SUGCT: variants seen among roughly 807,000 people sequenced by gnomAD.
SUGCT encodes the protein succinyl-CoA:glutarate-CoA transferase, also known as succinyl-CoA:glutarate CoA-transferase.
In SUGCT, 41 loss-of-function variants were observed where a neutral mutation model predicts 55.0. That is an observed-to-expected ratio of 0.74 (90% CI 0.58 to 0.97). The LOEUF is 0.97. SUGCT is among the 50% of genes least tolerant of loss of function. SUGCT has a pLI of 0.00. For synonymous variants in SUGCT, 187 were observed against 200.4 expected, an observed-to-expected ratio of 0.93 and a Z score of 0.56; for missense variants, 568 against 547.8, an observed-to-expected ratio of 1.04 and a Z score of -0.37.
At chr7:40,285,447 T>A (rs1218239364) in intron 8 of SUGCT, among the ~76,000 whole-genome samples, 1 of 150,852 alleles carries the variant, frequency 6.6e-6, no homozygotes, top group Non-Finnish European at 1.5e-5. Context: ...CAGGGAATTT[T>A]AAATTTTATT....
chr7:40,898,096 T>C, the SUGCT span, among the ~76,000 whole-genome samples: 32 of 152,086 alleles, frequency 2.1e-4, no homozygotes, highest in Non-Finnish European at 4.6e-4. Context: ...GCTGTAACAC[T>C]CACCCAGAAG....
intron 12 of SUGCT, among the ~76,000 whole-genome samples, chr7:40,674,356 A>G (rs1360123063): frequency 6.6e-6 from 1 of 152,246 alleles, no homozygotes; most frequent in East Asian, 1.9e-4. Flanking sequence ...TGGCAGAAGA[A>G]TAAGTCCTTT....
chr7:40,216,689 T>C (rs1263009893), intron 6 of SUGCT, among the ~76,000 whole-genome samples: 1 of 151,352 alleles, frequency 6.6e-6, no homozygotes, highest in Non-Finnish European at 1.5e-5. Flanking sequence ...CCACCTCTTA[T>C]AAAAATACAA....
intron 13 of SUGCT, 119 bp from the exon 14 acceptor site, chr7:40,860,197 G>A (rs895415329): frequency 6.5e-5 from 77 of 1,189,960 alleles, no homozygotes; most frequent in Non-Finnish European, 9.2e-5. Flanking sequence ...ATCTGGAAGG[G>A]TGTAACTGGC....
At chr7:40,576,623 G>A (rs1584030348) in intron 12 of SUGCT, among the ~76,000 whole-genome samples, 1 of 152,206 alleles carries the variant, frequency 6.6e-6, no homozygotes, top group Non-Finnish European at 1.5e-5. Flanking sequence ...TGGTAAACCC[G>A]ACCAGAGGCA....
chr7:40,800,783 T>A (rs1790778754), intron 13 of SUGCT, among the ~76,000 whole-genome samples: 1 of 152,200 alleles, frequency 6.6e-6, no homozygotes, highest in African/African-American at 2.4e-5. Context: ...CTTGATTTAA[T>A]AATAATAATC....
chr7:40,568,009 G>T (rs1163500957), intron 12 of SUGCT, among the ~76,000 whole-genome samples: 1 of 152,180 alleles, frequency 6.6e-6, no homozygotes, highest in Admixed American at 6.5e-5. Flanking sequence ...TCAAATGAAT[G>T]ATTCCATTTG....
intron 7 of SUGCT, among the ~76,000 whole-genome samples, chr7:40,258,917 T>C (rs575220074): frequency 1.3e-5 from 2 of 152,146 alleles, no homozygotes; most frequent in Non-Finnish European, 2.9e-5. Flanking sequence ...TCAGTGTCCA[T>C]GAATGAATGA....
chr7:40,663,206 T>G (rs539477652), intron 12 of SUGCT, among the ~76,000 whole-genome samples: 3 of 152,234 alleles, frequency 2.0e-5, no homozygotes, highest in Non-Finnish European at 2.9e-5. Context: ...ATCAGTCTTA[T>G]GGACTTTGTT....
the SUGCT span, among the ~76,000 whole-genome samples, chr7:40,985,834 C>G: frequency 6.6e-6 from 1 of 152,070 alleles, no homozygotes; most frequent in African/African-American, 2.4e-5. Context: ...GGAAAAGCAG[C>G]CCTTCTGGAT....
At chr7:40,659,378 A>T (rs537415083) in intron 12 of SUGCT, among the ~76,000 whole-genome samples, 1 of 152,226 alleles carries the variant, frequency 6.6e-6, no homozygotes, top group Admixed American at 6.5e-5. Flanking sequence ...CACTATGGGC[A>T]GAAAGTCTCA....
chr7:40,163,683 G>A (rs1041039865), intron 1 of SUGCT, among the ~76,000 whole-genome samples: 4 of 151,702 alleles, frequency 2.6e-5, no homozygotes, highest in Non-Finnish European at 4.4e-5. Context: ...GTGCATCTGT[G>A]TATGCAGCCA....
At chr7:40,503,154 C>T (rs558006792) in intron 12 of SUGCT, among the ~76,000 whole-genome samples, 49 of 152,128 alleles carry the variant, frequency 3.2e-4, no homozygotes, top group Non-Finnish European at 4.6e-4. Flanking sequence ...GGCCTAGATA[C>T]AGAAAACTAT....
chr7:40,906,487 T>G, the SUGCT span, among the ~76,000 whole-genome samples: 1 of 152,240 alleles, frequency 6.6e-6, no homozygotes, highest in Non-Finnish European at 1.5e-5. Context: ...CCTCCATATC[T>G]GTGGGTTCCA....
At chr7:40,363,321 G>A (rs1798247404) in intron 9 of SUGCT, among the ~76,000 whole-genome samples, 2 of 151,934 alleles carry the variant, frequency 1.3e-5, no homozygotes, top group Non-Finnish European at 2.9e-5. Context: ...CTTCAGTTGT[G>A]CTCTGATTTT....
intron 1 of SUGCT, among the ~76,000 whole-genome samples, chr7:40,168,958 A>G (rs1784546457): frequency 6.6e-6 from 1 of 151,642 alleles, no homozygotes. Context: ...TTCCTTTCTG[A>G]TGACCCCAGC....
At chr7:40,610,872 C>A (rs143002534) in intron 12 of SUGCT, among the ~76,000 whole-genome samples, 204 of 152,258 alleles carry the variant, frequency 1.3e-3, no homozygotes, top group African/African-American at 4.7e-3. Flanking sequence ...GTCTTGCCTC[C>A]TGTCAGTTTA....
intron 8 of SUGCT, among the ~76,000 whole-genome samples, chr7:40,312,230 G>A (rs577036021): frequency 3.3e-5 from 5 of 152,100 alleles, no homozygotes; most frequent in Admixed American, 6.5e-5. Context: ...TAGTAGAGAC[G>A]GAGTTTCTCC....
intron 13 of SUGCT, among the ~76,000 whole-genome samples, chr7:40,819,418 T>A (rs189481229): frequency 6.6e-6 from 1 of 152,304 alleles, no homozygotes; most frequent in East Asian, 1.9e-4. Flanking sequence ...CTCCAGCACC[T>A]GTTGTTTCCT....
Sources: allele counts gnomAD v4.1 joint callset (sites outside exome capture counted in the v4.1 genomes callset), GRCh38; gene constraint gnomAD v4.1.1; transcripts MANE v1.5; gene names NCBI Gene and HGNC (gene_info 2026-07-23, HGNC 2026-07-21).